Variants in NR1H4 observed in about 807,000 individuals in gnomAD.
NR1H4 encodes nuclear receptor subfamily 1 group H member 4.
In NR1H4, 23 loss-of-function variants were observed where a neutral mutation model predicts 58.5. The observed-to-expected ratio is 0.39, with a 90% CI of 0.28 to 0.56. NR1H4 has a LOEUF of 0.56. Ranked by LOEUF, NR1H4 falls within the 20% of genes least tolerant of loss-of-function variation. NR1H4 has a pLI of 0.58. For missense variants in NR1H4, 487 were observed against 576.9 expected (o/e 0.84, Z 1.60); for synonymous variants, 214 against 198.0 (o/e 1.08, Z -0.68).
chr12:100,518,020 G>A (rs563555020), intron 4 of NR1H4, among the ~76,000 whole-genome samples: 69 of 152,346 alleles, frequency 4.5e-4, no homozygotes, highest in Non-Finnish European at 7.6e-4. Flanking sequence ...GGAAGAAAAC[G>A]AAGCAGTCCG....
intron 9 of NR1H4, among the ~76,000 whole-genome samples, chr12:100,545,661 A>AAAAAAC (rs1565777407): frequency 8.1e-5 from 12 of 147,968 alleles, no homozygotes; most frequent in African/African-American, 3.1e-4. Flanking sequence ...AAAAAAAAAA[A>AAAAAAC]AAAAAAAACC....
At chr12:100,515,129 AG>A (rs2136174579) in intron 4 of NR1H4, among the ~76,000 whole-genome samples, 1 of 149,312 alleles carries the variant, frequency 6.7e-6, no homozygotes, top group South Asian at 2.1e-4. Flanking sequence ...GGTACATCTC[AG>A]GCATATGAAG....
chr12:100,479,362 T>G (rs1353250550), intron 1 of NR1H4, among the ~76,000 whole-genome samples: 2 of 152,216 alleles, frequency 1.3e-5, no homozygotes, highest in Non-Finnish European at 2.9e-5. Flanking sequence ...AGATGTATTT[T>G]CCAAGAATGA....
At chr12:100,475,448 G>T (rs894422632) in intron 1 of NR1H4, among the ~76,000 whole-genome samples, 3 of 152,142 alleles carry the variant, frequency 2.0e-5, no homozygotes, top group Admixed American at 6.6e-5. Flanking sequence ...AAGATTTGCA[G>T]CAATTTCCCA....
chr12:100,556,203 C>T (rs571995186), intron 9 of NR1H4, among the ~76,000 whole-genome samples: 3 of 152,090 alleles, frequency 2.0e-5, no homozygotes, highest in African/African-American at 7.2e-5. Context: ...TGCGGTGGCT[C>T]ATGTCTGTAA....
chr12:100,509,074 G>A (rs1954040622), intron 3 of NR1H4, among the ~76,000 whole-genome samples: 1 of 152,192 alleles, frequency 6.6e-6, no homozygotes, highest in African/African-American at 2.4e-5. Flanking sequence ...TTTCAGATAA[G>A]GAACTGTGAA....
chr12:100,534,564 A>C (rs185731100), intron 5 of NR1H4, among the ~76,000 whole-genome samples: 19 of 152,284 alleles, frequency 1.2e-4, no homozygotes, highest in African/African-American at 4.3e-4. Context: ...TTCATATCAC[A>C]AGTTCTTTAT....
intron 5 of NR1H4, among the ~76,000 whole-genome samples, chr12:100,534,603 T>G (rs1001086573): frequency 6.6e-5 from 10 of 152,210 alleles, no homozygotes; most frequent in Admixed American, 1.3e-4. Flanking sequence ...TGATTATTGC[T>G]TTTATTTTGT....
intron 3 of NR1H4, among the ~76,000 whole-genome samples, chr12:100,497,068 A>C (rs1474853489): frequency 6.6e-6 from 1 of 152,118 alleles, no homozygotes; most frequent in African/African-American, 2.4e-5. Context: ...GGAAGGAGGG[A>C]AAACCAAAGA....
At chr12:100,482,076 C>T (rs1432124480) in intron 1 of NR1H4, among the ~76,000 whole-genome samples, 1 of 152,026 alleles carries the variant, frequency 6.6e-6, no homozygotes, top group Non-Finnish European at 1.5e-5. Flanking sequence ...CATTCCAGCC[C>T]AGGTGAAAGA....
chr12:100,563,951 A>G lies in NR1H4; in HGVS notation c.*462A>G, dbSNP rs1347300792. 1 of 161,786 alleles carries G rather than the reference A, an allele frequency of 6.2e-6. No individual in the cohort carries two copies. The highest frequency in any genetic ancestry group is 1.4e-5 in the Non-Finnish European group (1 of 73,900). 10.0% of individuals were successfully genotyped at this position (161,786 alleles called of 1,614,324 possible). The stretch of plus-strand genomic sequence containing the variant: ...ACATCCTATTGAATCTGAGGGGGTA[A>G]TTTACAGAAAGATACTGTCTCTCGC... On this transcript the variant is annotated 3_prime_UTR_variant, in exon 11 of 11. Coordinates refer to ENST00000392986, the MANE Select transcript of NR1H4 (RefSeq NM_001206979.2).
At chr12:100,540,623 T>C in intron 8 of NR1H4, 49 bp from the exon 9 acceptor site, 1 of 1,585,790 alleles carries the variant, frequency 6.3e-7, no homozygotes, top group Non-Finnish European at 8.7e-7. Flanking sequence ...ATGGTGATCA[T>C]GAAATATTGT....
In NR1H4 at chr12:100,512,158, G is replaced by A. The variant is rs531450451; in HGVS notation, c.445+1015G>A. On this transcript the variant is annotated intron_variant, in intron 4 of 10. Transcript: ENST00000392986. ...AGAGGTGGGAGGATCACCTGAGCCCGGGAGGTTGAGGCTGCAGTGAGCCGT... is the reference window on the plus strand; with the variant it reads ...AGAGGTGGGAGGATCACCTGAGCCCAGGAGGTTGAGGCTGCAGTGAGCCGT... Among the ~76,000 whole-genome samples the A allele has an allele frequency of 3.3e-5, 5 of 152,108 alleles. No homozygotes were observed. The East Asian group carries it at 5.8e-4, about 18-fold the overall frequency.
chr12:100,489,390 T>G (rs1310785709), intron 1 of NR1H4, among the ~76,000 whole-genome samples: 2 of 152,212 alleles, frequency 1.3e-5, no homozygotes, highest in Non-Finnish European at 2.9e-5. Context: ...GTGTTGCAAC[T>G]ACTGTACTCA....
intron 1 of NR1H4, among the ~76,000 whole-genome samples, chr12:100,491,530 A>C (rs1953605758): frequency 6.7e-6 from 1 of 150,296 alleles, no homozygotes; most frequent in Admixed American, 6.7e-5. Flanking sequence ...TTGGTCAAAC[A>C]CAGCTACACT....
At chr12:100,495,916 T>C (rs1406058924) in intron 3 of NR1H4, among the ~76,000 whole-genome samples, 1 of 151,876 alleles carries the variant, frequency 6.6e-6, no homozygotes, top group South Asian at 2.1e-4. Flanking sequence ...CATGAATGAG[T>C]AGCCCACAGG....
chr12:100,563,456 C>A lies in NR1H4; in HGVS notation c.1398C>A (p.Thr466=), dbSNP rs753411727. The part of the protein sequence containing the change: ...MSWRVNDHKF[T]PLLCEIWDVQ Reference sequence around the variant, plus strand: ...GGAGAGTAAACGACCACAAGTTTACCCCACTTCTCTGTGAAATCTGGGACG... The same window carrying A: ...GGAGAGTAAACGACCACAAGTTTACACCACTTCTCTGTGAAATCTGGGACG... The change falls in exon 11 of 11, where the codon ACC becomes ACA. Residue 466 remains threonine, a synonymous_variant. Coordinates refer to ENST00000392986, the MANE Select transcript of NR1H4 (RefSeq NM_001206979.2). 6.2e-7 allele frequency: 1 copy of A among 1,613,894 alleles called. No individual in the cohort carries two copies. Among genetic ancestry groups the A allele is most frequent in the African/African-American group, 1.3e-5 (1 of 74,882 alleles).
chr12:100,484,140 T>C (rs2136081527), intron 1 of NR1H4, among the ~76,000 whole-genome samples: 1 of 152,346 alleles, frequency 6.6e-6, no homozygotes, highest in East Asian at 1.9e-4. Context: ...GTATACTTTC[T>C]ATCAACAACT....
chr12:100,545,459 G>A (rs1955038022), intron 9 of NR1H4, among the ~76,000 whole-genome samples: 1 of 151,670 alleles, frequency 6.6e-6, no homozygotes, highest in African/African-American at 2.4e-5. Flanking sequence ...GAGCCACAGA[G>A]CGAGACTCCA....
Sources: gnomAD v4.1 joint callset for allele counts (sites outside exome capture counted in the v4.1 genomes callset) on GRCh38, gnomAD v4.1.1 for gene constraint, MANE v1.5 for transcripts, NCBI Gene and HGNC (gene_info 2026-07-23, HGNC 2026-07-21) for gene names.